Variants in EXOC6B observed in about 807,000 individuals in gnomAD.
EXOC6B encodes the protein exocyst complex component 6B, also known as SEC15 homolog B.
A neutral mutation model predicts 113.5 loss-of-function variants in EXOC6B; 54 were observed. The observed-to-expected ratio is 0.48, with a 90% CI of 0.38 to 0.60. The LOEUF is 0.60. Among genes scored for constraint, EXOC6B ranks in the 20% least tolerant of loss-of-function variants. The pLI, the probability that EXOC6B is intolerant of heterozygous loss-of-function variation, is 0.00. For synonymous variants in EXOC6B, 357 were observed against 339.0 expected, an observed-to-expected ratio of 1.05 and a Z score of -0.58; for missense variants, 797 against 977.5, an observed-to-expected ratio of 0.82 and a Z score of 2.46.
intron 6 of EXOC6B, among the ~76,000 whole-genome samples, chr2:72,675,322 T>C (rs920830654): frequency 1.3e-5 from 2 of 152,364 alleles, no homozygotes; most frequent in South Asian, 2.1e-4. Flanking sequence ...ATTAGTCTGA[T>C]AGCATTAAAC....
intron 18 of EXOC6B, among the ~76,000 whole-genome samples, chr2:72,440,384 G>A (rs886941540): frequency 5.9e-5 from 9 of 152,156 alleles, no homozygotes; most frequent in Non-Finnish European, 1.3e-4. Context: ...AAGAGGCTGG[G>A]GGGCCAATAT....
intron 2 of EXOC6B, among the ~76,000 whole-genome samples, chr2:72,734,937 C>T (rs888311937): frequency 2.6e-5 from 4 of 152,186 alleles, no homozygotes; most frequent in Non-Finnish European, 5.9e-5. Flanking sequence ...ACAATGGCTG[C>T]CCTTCAAATA....
intron 20 of EXOC6B, among the ~76,000 whole-genome samples, chr2:72,185,702 T>C (rs1275307204): frequency 6.6e-6 from 1 of 152,042 alleles, no homozygotes; most frequent in African/African-American, 2.4e-5. Flanking sequence ...TAGAAGAGAA[T>C]TTCCCTTGAC....
intron 1 of EXOC6B, among the ~76,000 whole-genome samples, chr2:72,797,190 C>A (rs1685013639): frequency 6.6e-6 from 1 of 152,202 alleles, no homozygotes; most frequent in African/African-American, 2.4e-5. Flanking sequence ...AACTAGGCAG[C>A]ATTAATTTGG....
At chr2:72,423,746 C>CG (rs1423494033) in intron 18 of EXOC6B, among the ~76,000 whole-genome samples, 8 of 152,120 alleles carry the variant, frequency 5.3e-5, no homozygotes, top group African/African-American at 1.9e-4. Context: ...CACATACATA[C>CG]ACGTGCACAC....
chr2:72,603,802 AG>A (rs1473349541), intron 6 of EXOC6B, among the ~76,000 whole-genome samples: 2 of 152,156 alleles, frequency 1.3e-5, no homozygotes, highest in Non-Finnish European at 2.9e-5. Flanking sequence ...TCAGCCATGA[AG>A]GGCACTTTAT....
chr2:72,223,008 C>T (rs1246351592), intron 20 of EXOC6B, among the ~76,000 whole-genome samples: 1 of 152,176 alleles, frequency 6.6e-6, no homozygotes, highest in Admixed American at 6.5e-5. Context: ...TGTGTAGCAG[C>T]AATAGCATCT....
At chr2:72,273,875 G>A (rs1684658035) in intron 20 of EXOC6B, among the ~76,000 whole-genome samples, 2 of 152,120 alleles carry the variant, frequency 1.3e-5, no homozygotes, top group Non-Finnish European at 2.9e-5. Flanking sequence ...GGTCTACTAT[G>A]CGAAAGCAGT....
intron 18 of EXOC6B, among the ~76,000 whole-genome samples, chr2:72,447,245 C>A (rs962599645): frequency 6.6e-6 from 1 of 152,116 alleles, no homozygotes. Flanking sequence ...TTCCATTAAA[C>A]TCTGAGCTAG....
intron 19 of EXOC6B, among the ~76,000 whole-genome samples, chr2:72,348,576 T>A (rs1689466916): frequency 6.6e-6 from 1 of 152,140 alleles, no homozygotes. Flanking sequence ...TGGTCACAAA[T>A]CACTTTTGGA....
chr2:72,583,832 T>C (rs1705376496), intron 6 of EXOC6B, among the ~76,000 whole-genome samples: 1 of 152,136 alleles, frequency 6.6e-6, no homozygotes, highest in African/African-American at 2.4e-5. Context: ...GCTATTCTCA[T>C]GCCTCAGCCT....
chr2:72,373,665 C>T lies in EXOC6B; in HGVS notation c.2122+6064G>A, dbSNP rs576491121. Among the ~76,000 whole-genome samples the T allele has an allele frequency of 1.1e-4, 16 of 152,220 alleles. No homozygotes were observed. The South Asian group carries it at 2.9e-3, about 28-fold the overall frequency. On this transcript the variant is annotated intron_variant, in intron 19 of 21. Transcript: ENST00000272427. ...TGGCAAACAGGTATATGAAAAGGTG[C>T]TCAACATAATCGATCATTAGAGAAA...
chr2:72,575,985 A>G (rs1002421956), intron 6 of EXOC6B, among the ~76,000 whole-genome samples: 1 of 152,168 alleles, frequency 6.6e-6, no homozygotes, highest in Non-Finnish European at 1.5e-5. Flanking sequence ...TATCCATTAA[A>G]TCATCACAAA....
intron 20 of EXOC6B, among the ~76,000 whole-genome samples, chr2:72,189,860 C>CTTTCTTTTTTTTTTTTTTTTTTTT (rs1553462592): frequency 1.1e-5 from 1 of 87,252 alleles, no homozygotes; most frequent in African/African-American, 6.5e-5. Context: ...CCTTCTTCTT[C>CTTTCTTTTTTTTTTTTTTTTTTTT]TTTTTTTTTT....
chr2:72,646,785 T>C (rs985061506), intron 6 of EXOC6B, among the ~76,000 whole-genome samples: 3 of 152,210 alleles, frequency 2.0e-5, no homozygotes, highest in Non-Finnish European at 2.9e-5. Flanking sequence ...AAACTAGGTA[T>C]TGATGGAATG....
chr2:72,728,818 C>T (rs941361879), intron 5 of EXOC6B, among the ~76,000 whole-genome samples: 1 of 152,096 alleles, frequency 6.6e-6, no homozygotes, highest in African/African-American at 2.4e-5. Context: ...CCAAAGGAAG[C>T]AGCTAGAAAT....
intron 6 of EXOC6B, among the ~76,000 whole-genome samples, chr2:72,679,744 T>C (rs981707518): frequency 7.2e-5 from 11 of 152,102 alleles, no homozygotes; most frequent in Middle Eastern, 3.2e-3. Context: ...TAGAAGCTGA[T>C]GGAAATGGCA....
At chr2:72,182,904 T>A (rs1056123811) in intron 21 of EXOC6B, 3 of 1,231,136 alleles carry the variant, frequency 2.4e-6, no homozygotes, top group Admixed American at 8.4e-5. Context: ...TCTCTAGATA[T>A]CCTAGGGCGG....
chr2:72,269,907 A>T (rs937901983), intron 20 of EXOC6B, among the ~76,000 whole-genome samples: 2 of 152,146 alleles, frequency 1.3e-5, no homozygotes, highest in Admixed American at 6.6e-5. Context: ...GAGTTTTTTG[A>T]AGTTAACTAA....
Sources: gnomAD v4.1 joint callset for allele counts (sites outside exome capture counted in the v4.1 genomes callset) on GRCh38, gnomAD v4.1.1 for gene constraint, MANE v1.5 for transcripts, NCBI Gene and HGNC (gene_info 2026-07-23, HGNC 2026-07-21) for gene names.